CTNS: variants seen among roughly 807,000 people sequenced by gnomAD.
CTNS encodes the protein cystinosin, lysosomal cystine transporter.
Under a neutral mutation model 43.7 loss-of-function variants are expected in CTNS, and 27 were observed. The ratio of observed to expected loss-of-function variants is 0.62; its 90% confidence interval spans 0.46 to 0.85. The LOEUF (loss-of-function observed/expected upper bound fraction) is 0.85. Among genes scored for constraint, CTNS ranks in the 40% least tolerant of loss-of-function variants. The pLI is 0.00. For synonymous variants in CTNS, 187 were observed against 190.6 expected, an observed-to-expected ratio of 0.98 and a Z score of 0.16; for missense variants, 457 against 475.4, an observed-to-expected ratio of 0.96 and a Z score of 0.36.
intron 10 of CTNS, among the ~76,000 whole-genome samples, chr17:3,659,578 G>T (rs550566816): frequency 6.6e-6 from 1 of 152,356 alleles, no homozygotes; most frequent in African/African-American, 2.4e-5. Context: ...GGAGGAGACG[G>T]GGAAGGCCGC....
In CTNS at chr17:3,660,502, C is replaced by T. The variant is rs2076259607; in HGVS notation, c.*133C>T. On this transcript the variant is annotated 3_prime_UTR_variant, in exon 12 of 12. Coordinates refer to ENST00000046640, the MANE Select transcript of CTNS (RefSeq NM_004937.3). ...CAGTGTGCGGACAGAGGAGACCACT[C>T]TGCTCCTGGGGCCAGAGGCCATTCA... 6.2e-7 allele frequency: 1 copy of T among 1,612,372 alleles called. No individual in the cohort carries two copies. The highest frequency in any genetic ancestry group is 2.2e-5 in the East Asian group (1 of 44,894).
At position 3,656,690 on chromosome 17, in the gene CTNS, C is replaced by G. The variant is rs1196030820; in HGVS notation, c.576C>G (p.Leu192=). The G allele has an allele frequency of 6.2e-7, 1 of 1,613,142 alleles. No individual in the cohort carries two copies. The highest frequency in any genetic ancestry group is 1.7e-5 in the Admixed American group (1 of 59,928). Residue 192 remains leucine, a synonymous_variant, in exon 9 of 12, where the codon CTC becomes CTG. Transcript: ENST00000046640. ...WVPYIKEQFL[L]KYPNGVNPVN... ...CCACCAAACAGGAGCAGTTTCTCCT[C>G]AAATACCCCAACGGAGTGAACCCCG...
chr17:3,659,845 C>T lies in CTNS; in HGVS notation c.853-13C>T. The T allele has an allele frequency of 6.2e-7, 1 of 1,603,944 alleles. No individual in the cohort carries two copies. Among genetic ancestry groups the T allele is most frequent in the Non-Finnish European group, 8.5e-7 (1 of 1,170,854 alleles). On this transcript the variant is annotated splice_polypyrimidine_tract_variant and intron_variant, in intron 10 of 11. Coordinates refer to ENST00000046640, the MANE Select transcript of CTNS (RefSeq NM_004937.3). ...CACCGCCCTCCGTCTGTCTGTCCGTCTGTCTGGCCCAGGCCTACATGAACT... is the reference window on the plus strand; with the variant it reads ...CACCGCCCTCCGTCTGTCTGTCCGTTTGTCTGGCCCAGGCCTACATGAACT...
chr17:3,650,845 C>T (rs529694041), intron 5 of CTNS, among the ~76,000 whole-genome samples: 1 of 152,246 alleles, frequency 6.6e-6, no homozygotes, highest in East Asian at 1.9e-4. Context: ...CTCTGTCGCC[C>T]AGGTTGGAGT....
intron 5 of CTNS, 147 bp from the exon 6 acceptor site, chr17:3,654,851 T>G (rs1597645741): frequency 2.7e-6 from 2 of 742,880 alleles, no homozygotes; most frequent in South Asian, 2.8e-5. Flanking sequence ...GGGCGCAGCG[T>G]CTCTCCTTTT....
At chr17:3,643,174 C>T (rs2075761404) in intron 3 of CTNS, among the ~76,000 whole-genome samples, 2 of 151,786 alleles carry the variant, frequency 1.3e-5, no homozygotes, top group Admixed American at 6.6e-5. Context: ...ATTAGTCGGG[C>T]GTGGTGGCGG....
intron 3 of CTNS, among the ~76,000 whole-genome samples, chr17:3,640,826 C>T (rs2075667460): frequency 6.6e-6 from 1 of 152,288 alleles, no homozygotes; most frequent in African/African-American, 2.4e-5. Context: ...ATTGCCTGAG[C>T]CCAGGAAGTC....
intron 3 of CTNS, among the ~76,000 whole-genome samples, chr17:3,641,938 C>T (rs973001034): frequency 1.1e-4 from 17 of 152,254 alleles, no homozygotes; most frequent in African/African-American, 4.1e-4. Context: ...TTAATACAGA[C>T]GTCAGAACCC....
intron 5 of CTNS, among the ~76,000 whole-genome samples, chr17:3,651,334 A>G (rs1368521813): frequency 6.6e-6 from 1 of 152,130 alleles, no homozygotes; most frequent in African/African-American, 2.4e-5. Context: ...GCCTCAGGCG[A>G]TCCGCCCACC....
intron 10 of CTNS, among the ~76,000 whole-genome samples, chr17:3,659,615 G>A (rs1423186969): frequency 2.0e-5 from 3 of 152,250 alleles, no homozygotes; most frequent in Non-Finnish European, 4.4e-5. Flanking sequence ...CTGGAGCTGT[G>A]AGGTGTGGGG....
chr17:3,662,904 G>C lies in CTNS; in HGVS notation c.*2535G>C, dbSNP rs1396394786. On this transcript the variant is annotated 3_prime_UTR_variant, in exon 12 of 12. Coordinates refer to ENST00000046640, the MANE Select transcript of CTNS (RefSeq NM_004937.3). ...TCAGCAAAGCCCCCTGTGAATTCCAGCATTTTTATTGAGCGCACCACATCG... is the reference window on the plus strand; with the variant it reads ...TCAGCAAAGCCCCCTGTGAATTCCACCATTTTTATTGAGCGCACCACATCG... 5.9e-5 allele frequency: 9 copies of C among 152,190 alleles called. No homozygotes were observed. Among genetic ancestry groups the C allele is most frequent in the Non-Finnish European group, 1.3e-4 (9 of 68,036 alleles). The allele number at this position is 152,190 out of a possible 1,614,324, so 9.4% of individuals were successfully genotyped here.
At chr17:3,639,724 G>A (rs1396043480) in intron 2 of CTNS, among the ~76,000 whole-genome samples, 1 of 151,806 alleles carries the variant, frequency 6.6e-6, no homozygotes, top group Non-Finnish European at 1.5e-5. Context: ...TAAGTCTTAA[G>A]GGTCAGTTGG....
rs1258716732 is a variant in CTNS at position 3,648,879 on chromosome 17, T to C, written c.173T>C (p.Phe58Ser). The change falls in exon 5 of 12, where the codon TTT becomes TCT. Residue 58 changes from phenylalanine to serine, a missense_variant. Physicochemically the swap from Phe to Ser is radical, Grantham distance 155. Coordinates refer to ENST00000046640, the MANE Select transcript of CTNS (RefSeq NM_004937.3). ...TTAAATGCAACCCTGGTGATCACTTTTGAAATCACATTTCGTTCCAAAAAT... is the reference window on the plus strand; with the variant it reads ...TTAAATGCAACCCTGGTGATCACTTCTGAAATCACATTTCGTTCCAAAAAT... Reference protein sequence around the residue: ...PPLNATLVITFEITFRSKNIT... With the variant: ...PPLNATLVITSEITFRSKNIT... 6.2e-7 allele frequency: 1 copy of C among 1,613,980 alleles called. No individual in the cohort carries two copies. Among genetic ancestry groups the C allele is most frequent in the Non-Finnish European group, 8.5e-7 (1 of 1,179,930 alleles).
intron 5 of CTNS, among the ~76,000 whole-genome samples, chr17:3,653,841 A>G (rs559773577): frequency 2.0e-5 from 3 of 150,784 alleles, no homozygotes; most frequent in African/African-American, 7.3e-5. Context: ...GCGCCATTGC[A>G]CTCCAGCCTG....
rs369274055 is a variant in CTNS at position 3,639,394 on chromosome 17, G to A, written c.-19-794G>A. Among the ~76,000 whole-genome samples the A allele has an allele frequency of 8.2e-4, 125 of 152,262 alleles. 4 individuals are homozygous for A. The South Asian group carries it at 0.024, about 29-fold the overall frequency. On this transcript the variant is annotated intron_variant, in intron 2 of 11. Transcript: ENST00000046640. ...CTTGTCAAATAAAGTCTTGACAGGC[G>A]CGGTGGCTCCTACCTGTAACCCCAG...
intron 2 of CTNS, among the ~76,000 whole-genome samples, chr17:3,638,929 C>T (rs772573209): frequency 2.0e-5 from 3 of 152,098 alleles, no homozygotes; most frequent in African/African-American, 7.2e-5. Context: ...CATTCCCGGC[C>T]GGTGAGAAGG....
chr17:3,657,290 C>T (rs1597656861), intron 9 of CTNS, among the ~76,000 whole-genome samples: 1 of 152,230 alleles, frequency 6.6e-6, no homozygotes, highest in East Asian at 1.9e-4. Flanking sequence ...CTTCAGGGTG[C>T]CAGGAGGGGG....
At chr17:3,650,894 C>T (rs2075965351) in intron 5 of CTNS, among the ~76,000 whole-genome samples, 1 of 152,136 alleles carries the variant, frequency 6.6e-6, no homozygotes, top group Admixed American at 6.5e-5. Context: ...CCTCTGCCTC[C>T]TGGGTTCAAG....
upstream of CTNS, chr17:3,636,756 C>T (rs1597586530): frequency 1.3e-5 from 2 of 153,212 alleles, no homozygotes; most frequent in South Asian, 3.8e-4. Context: ...CAGGGGAACG[C>T]GGTGCATTCC....
Sources: allele counts gnomAD v4.1 joint callset (sites outside exome capture counted in the v4.1 genomes callset), GRCh38; gene constraint gnomAD v4.1.1; transcripts MANE v1.5; gene names NCBI Gene and HGNC (gene_info 2026-07-23, HGNC 2026-07-21).